HOXB5: variants seen among roughly 807,000 people sequenced by gnomAD.
The protein encoded by HOXB5 is homeobox protein Hox-B5.
HOXB5 carries 10 observed loss-of-function variants against 19.6 expected under a neutral mutation model. The ratio of observed to expected loss-of-function variants is 0.51; its 90% CI spans 0.32 to 0.87. The LOEUF is 0.87. HOXB5 is among the 40% of genes least tolerant of loss of function. HOXB5 has a pLI of 0.04. For synonymous variants in HOXB5, 167 were observed against 156.9 expected, an observed-to-expected ratio of 1.06 and a Z score of -0.48; for missense variants, 353 against 369.6, an observed-to-expected ratio of 0.96 and a Z score of 0.37.
Position 48,592,406 on chromosome 17 carries a change from G to A in HOXB5, c.613C>T (p.Gln205Ter). 6.2e-7 allele frequency: 1 copy of A among 1,614,138 alleles called. No homozygotes were observed. Among genetic ancestry groups the A allele is most frequent in the Non-Finnish European group, 8.5e-7 (1 of 1,180,028 alleles). ...KRARTAYTRY[Q>*]TLELEKEFHF... ...AACTCCTTTTCCAGCTCCAGGGTCT[G>A]GTAGCGGGTATACGCGGTCCGGGCC... is the stretch of plus-strand genomic sequence containing the variant. Residue 205 changes from glutamine (Q) to a stop codon, truncating the protein, a stop_gained, in exon 2 of 2, where the codon CAG (glutamine) becomes TAG (stop). Transcript: ENST00000239151. LOFTEE classifies it high-confidence loss of function.
At position 48,592,255 on chromosome 17, in the gene HOXB5, A is replaced by C; in HGVS notation, c.764T>G (p.Leu255Trp). The C allele has an allele frequency of 6.2e-7, 1 of 1,613,582 alleles. No individual in the cohort carries two copies. Among genetic ancestry groups the C allele is most frequent in the East Asian group, 2.2e-5 (1 of 44,846 alleles). Residue 255 changes from leucine (L) to tryptophan (W), a missense_variant, in exon 2 of 2, where the codon TTG (leucine) becomes TGG (tryptophan). By Grantham distance (61) the Leu-to-Trp change is moderately conservative. Coordinates refer to ENST00000239151, the MANE Select transcript of HOXB5 (RefSeq NM_002147.4). Reference sequence around the variant, plus strand: ...AGCTGTAGCCAGGCTCATACTTTTCAATTTGTTGTCCTTCTTCCACTTCAT... The same window carrying C: ...AGCTGTAGCCAGGCTCATACTTTTCCATTTGTTGTCCTTCTTCCACTTCAT... ...RRMKWKKDNK[L>W]KSMSLATAGS...
intron 1 of HOXB5, 42 bp downstream of exon 1, chr17:48,593,079 G>C: frequency 2.1e-5 from 13 of 617,216 alleles, no homozygotes; most frequent in Non-Finnish European, 3.0e-5. Flanking sequence ...CCAAAACGCA[G>C]AGAAGGAAAG....
Position 48,592,030 on chromosome 17 carries a change from C to A in HOXB5, c.*179G>T. 1 of 502,662 alleles carries A rather than the reference C, an allele frequency of 2.0e-6. No homozygotes were observed. The highest frequency in any genetic ancestry group is 3.5e-6 in the Non-Finnish European group (1 of 289,360). 31.1% of individuals were successfully genotyped at this position (502,662 alleles called of 1,614,324 possible). On this transcript the variant is annotated 3_prime_UTR_variant, in exon 2 of 2. Transcript: ENST00000239151. ...ATTATTAACAATAATAACAAGATAA[C>A]CAGTCCAGGAGAGAGGGAGCCACAG...
intron 1 of HOXB5, among the ~76,000 whole-genome samples, chr17:48,592,788 C>G (rs1295645763): frequency 2.6e-5 from 4 of 152,198 alleles, no homozygotes; most frequent in African/African-American, 9.7e-5. Context: ...ACTGTTCACC[C>G]CTTCTTTGCT....
At position 48,593,557 on chromosome 17, in the gene HOXB5, G is replaced by A. The variant is rs1222130912; in HGVS notation, c.126C>T (p.Thr42=). 1.9e-6 allele frequency: 3 copies of A among 1,613,238 alleles called. No individual in the cohort carries two copies. Among genetic ancestry groups the A allele is most frequent in the Admixed American group, 3.3e-5 (2 of 60,028 alleles). Residue 42 remains threonine (T), a synonymous_variant, in exon 1 of 2, where the codon ACC becomes ACT. Transcript: ENST00000239151. ...CATTGTAATTGTAGCCGTAAGAGCC[G>A]GTGTGCATGGCAGCGGGATCCCTGT... ...GSYRDPAAMH[T]GSYGYNYNGM... is the part of the protein sequence containing the mutation.
At position 48,592,043 on chromosome 17, in the gene HOXB5, G is replaced by A; in HGVS notation, c.*166C>T. ...ATAACAAGATAACCAGTCCAGGAGAGAGGGAGCCACAGGAAGACCTAAGAC... is the reference window on the plus strand; with the variant it reads ...ATAACAAGATAACCAGTCCAGGAGAAAGGGAGCCACAGGAAGACCTAAGAC... On this transcript the variant is annotated 3_prime_UTR_variant, in exon 2 of 2. Transcript: ENST00000239151. 1 of 630,786 alleles carries A rather than the reference G, an allele frequency of 1.6e-6. No individual in the cohort carries two copies. Among genetic ancestry groups the A allele is most frequent in the Non-Finnish European group, 2.7e-6 (1 of 366,998 alleles). The allele number at this position is 630,786 out of a possible 1,614,324, so 39.1% of individuals were successfully genotyped here. A position where few individuals can be genotyped will look rare whatever the true frequency, so the allele number is the denominator to read the frequency against.
intron 1 of HOXB5, 105 bp downstream of exon 1, chr17:48,593,016 A>T: frequency 1.2e-6 from 1 of 859,196 alleles, no homozygotes; most frequent in Non-Finnish European, 1.7e-6. Context: ...CCTTAGAAAA[A>T]TGAATCTATA....
chr17:48,592,180 C>G lies in HOXB5; in HGVS notation c.*29G>C, dbSNP rs770252015. 5 of 1,605,648 alleles carry G rather than the reference C, an allele frequency of 3.1e-6. No individual in the cohort carries two copies. Among genetic ancestry groups the G allele is most frequent in the Non-Finnish European group, 4.3e-6 (5 of 1,175,330 alleles). Reference sequence around the variant, plus strand: ...GCCAGGGCTGGGGGTGGCACGGGCTCTTGGGCCGCTGGGCTCCTCTGGGCG... The same window carrying G: ...GCCAGGGCTGGGGGTGGCACGGGCTGTTGGGCCGCTGGGCTCCTCTGGGCG... On this transcript the variant is annotated 3_prime_UTR_variant, in exon 2 of 2. Coordinates refer to ENST00000239151, the MANE Select transcript of HOXB5 (RefSeq NM_002147.4).
At chr17:48,593,067 C>CCAA in intron 1 of HOXB5, 54 bp downstream of exon 1, 1 of 858,724 alleles carries the variant, frequency 1.2e-6, no homozygotes, top group East Asian at 2.8e-5. Flanking sequence ...CCCGATCCCA[C>CCAA]CCCAAAACGC....
rs1567969380 is a variant in HOXB5 at position 48,592,408 on chromosome 17, T to C, written c.611A>G (p.Tyr204Cys). Residue 204 changes from tyrosine to cysteine, a missense_variant, in exon 2 of 2, where the codon TAC becomes TGC. Coordinates refer to ENST00000239151, the MANE Select transcript of HOXB5 (RefSeq NM_002147.4). ...CTCCTTTTCCAGCTCCAGGGTCTGG[T>C]AGCGGGTATACGCGGTCCGGGCCCT... ...GKRARTAYTR[Y>C]QTLELEKEFH... The C allele has an allele frequency of 6.2e-7, 1 of 1,613,592 alleles. No homozygotes were observed. Among genetic ancestry groups the C allele is most frequent in the South Asian group, 1.1e-5 (1 of 91,068 alleles).
At chr17:48,592,876 G>A (rs1198661087) in intron 1 of HOXB5, among the ~76,000 whole-genome samples, 1 of 152,154 alleles carries the variant, frequency 6.6e-6, no homozygotes, top group Non-Finnish European at 1.5e-5. Flanking sequence ...TCCTAAAGCT[G>A]GTTCAGCTGC....
At chr17:48,593,017 T>G (rs1440168765) in intron 1 of HOXB5, 104 bp downstream of exon 1, 3 of 860,762 alleles carry the variant, frequency 3.5e-6, no homozygotes, top group East Asian at 2.6e-5. Context: ...CTTAGAAAAA[T>G]GAATCTATAT....
At position 48,592,469 on chromosome 17, in the gene HOXB5, G is replaced by A; in HGVS notation, c.563-13C>T. On this transcript the variant is annotated splice_polypyrimidine_tract_variant and intron_variant, in intron 1 of 1. Coordinates refer to ENST00000239151, the MANE Select transcript of HOXB5 (RefSeq NM_002147.4). ...GGCCCGGTCATATCTGGAGCAGATA[G>A]AGGAAAGCCGCAAGGCAACATTATT... The A allele has an allele frequency of 2.9e-6, 4 of 1,394,446 alleles. No individual in the cohort carries two copies. In the Middle Eastern group the frequency reaches 6.2e-4, roughly 215 times the overall value. The allele number at this position is 1,394,446 out of a possible 1,614,324, so 86.4% of individuals were successfully genotyped here. A position where few individuals can be genotyped will look rare whatever the true frequency, so the allele number is the denominator to read the frequency against.
chr17:48,593,053 T>TTGCCCCCCCCCC, intron 1 of HOXB5, 68 bp downstream of exon 1: 1 of 621,652 alleles, frequency 1.6e-6, no homozygotes, highest in Non-Finnish European at 2.9e-6. Flanking sequence ...GCTCTCCTTG[T>TTGCCCCCCCCCC]CCCCCCGATC....
At chr17:48,592,764 G>A (rs895790388) in intron 1 of HOXB5, among the ~76,000 whole-genome samples, 3 of 152,168 alleles carry the variant, frequency 2.0e-5, no homozygotes, top group Admixed American at 1.3e-4. Context: ...CTTTTGCCCC[G>A]GAAAGCTCCT....
chr17:48,593,656 G>GT lies in HOXB5; in HGVS notation c.26_27insA (p.Phe9LeufsTer135). 1 of 1,612,236 alleles carries GT rather than the reference G, an allele frequency of 6.2e-7. No individual in the cohort carries two copies. The highest frequency in any genetic ancestry group is 8.5e-7 in the Non-Finnish European group (1 of 1,179,382). ...CCGGGCCATTTGGATAACGCCCCGA[G>GT]AAGGAGTTTACAAAGTACGAGCTCA... is the stretch of plus-strand genomic sequence containing the variant. On this transcript the variant is annotated frameshift_variant, in exon 1 of 2. Coordinates refer to ENST00000239151, the MANE Select transcript of HOXB5 (RefSeq NM_002147.4). LOFTEE classifies it high-confidence loss of function.
Position 48,592,207 on chromosome 17 carries a change from G to T in HOXB5, c.*2C>A. On this transcript the variant is annotated 3_prime_UTR_variant, in exon 2 of 2. Transcript: ENST00000239151. Reference sequence around the variant, plus strand: ...TGGGCCGCTGGGCTCCTCTGGGCGGGCTCAGGGCTGGAAGGCGCTGCCAGC... The same window carrying T: ...TGGGCCGCTGGGCTCCTCTGGGCGGTCTCAGGGCTGGAAGGCGCTGCCAGC... 1 of 1,612,858 alleles carries T rather than the reference G, an allele frequency of 6.2e-7. No homozygotes were observed. Among genetic ancestry groups the T allele is most frequent in the Non-Finnish European group, 8.5e-7 (1 of 1,179,434 alleles).
At position 48,592,461 on chromosome 17, in the gene HOXB5, A is replaced by G; in HGVS notation, c.563-5T>C. 1 of 1,371,244 alleles carries G rather than the reference A, an allele frequency of 7.3e-7. No individual in the cohort carries two copies. The highest frequency in any genetic ancestry group is 9.7e-7 in the Non-Finnish European group (1 of 1,030,354). 84.9% of individuals were successfully genotyped at this position (1,371,244 alleles called of 1,614,324 possible). A position where few individuals can be genotyped will look rare whatever the true frequency, so the allele number is the denominator to read the frequency against. ...TCCCGTCCGGCCCGGTCATATCTGGAGCAGATAGAGGAAAGCCGCAAGGCA... is the reference window on the plus strand; with the variant it reads ...TCCCGTCCGGCCCGGTCATATCTGGGGCAGATAGAGGAAAGCCGCAAGGCA... On this transcript the variant is annotated splice_region_variant and splice_polypyrimidine_tract_variant and intron_variant, in intron 1 of 1. Transcript: ENST00000239151.
chr17:48,593,324 T>C lies in HOXB5; in HGVS notation c.359A>G (p.Gln120Arg). The C allele has an allele frequency of 6.2e-7, 1 of 1,610,524 alleles. No homozygotes were observed. The highest frequency in any genetic ancestry group is 1.7e-4 in the Middle Eastern group (1 of 6,036). The change falls in exon 1 of 2, where the codon CAG becomes CGG. Residue 120 changes from glutamine (Q) to arginine (R), a missense_variant. Coordinates refer to ENST00000239151, the MANE Select transcript of HOXB5 (RefSeq NM_002147.4). ...GGCGCTGGAGCTGGCTGAGGTCGCC[T>C]GGTCGGAGGGGGACGAAGCAGAGGG... The part of the protein sequence containing the change: ...AKPSASSPSD[Q>R]ATSASSSANF...
Sources: gnomAD v4.1 joint callset for allele counts (sites outside exome capture counted in the v4.1 genomes callset) on GRCh38, gnomAD v4.1.1 for gene constraint, MANE v1.5 for transcripts, NCBI Gene and HGNC (gene_info 2026-07-23, HGNC 2026-07-21) for gene names.